The following SEC14L5 variants were observed in gnomAD, a reference collection of about 807,000 sequenced individuals.
SEC14L5 encodes SEC14-like protein 5.
A neutral mutation model predicts 84.6 loss-of-function variants in SEC14L5; 96 were observed. The observed-to-expected ratio is 1.13, with a 90% CI of 0.96 to 1.34. SEC14L5 has a LOEUF of 1.34. Ranked by LOEUF, SEC14L5 falls within the 40% of genes most tolerant of loss-of-function variation. The pLI, the probability that SEC14L5 is intolerant of heterozygous loss-of-function variation, is 0.00. For synonymous variants in SEC14L5, 546 were observed against 383.4 expected, an observed-to-expected ratio of 1.42 and a Z score of -4.95; for missense variants, 1,224 against 942.5, an observed-to-expected ratio of 1.30 and a Z score of -3.91.
intron 15 of SEC14L5, among the ~76,000 whole-genome samples, chr16:5,013,086 C>T (rs1290464254): frequency 6.6e-6 from 1 of 152,108 alleles, no homozygotes; most frequent in South Asian, 2.1e-4. Flanking sequence ...CTCATGAGAA[C>T]TCATTCACTA....
chr16:4,962,469 C>T (rs991954646), intron 2 of SEC14L5, among the ~76,000 whole-genome samples: 3 of 152,112 alleles, frequency 2.0e-5, no homozygotes, highest in African/African-American at 7.2e-5. Context: ...GGGCGGACCA[C>T]CTCAGGTCAG....
intron 2 of SEC14L5, among the ~76,000 whole-genome samples, chr16:4,987,046 C>G (rs1955495491): frequency 6.6e-6 from 1 of 152,170 alleles, no homozygotes; most frequent in South Asian, 2.1e-4. Flanking sequence ...TCTAGAACCT[C>G]TAGCACAAGC....
chr16:4,963,885 C>G (rs889693427), intron 2 of SEC14L5, among the ~76,000 whole-genome samples: 1 of 152,030 alleles, frequency 6.6e-6, no homozygotes, highest in Non-Finnish European at 1.5e-5. Flanking sequence ...TGAGGTCTCA[C>G]TATGTTGCCC....
In SEC14L5 at chr16:5,007,492, A is replaced by C. The variant is rs905450817; in HGVS notation, c.1572+6A>C. The C allele has an allele frequency of 6.2e-7, 1 of 1,612,588 alleles. No individual in the cohort carries two copies. Among genetic ancestry groups the C allele is most frequent in the Non-Finnish European group, 8.5e-7 (1 of 1,179,590 alleles). On this transcript the variant is annotated splice_donor_region_variant and intron_variant, in intron 13 of 15. Transcript: ENST00000251170. ...TCCGCGGAGCCCCCCACGAGGTGCCAGGGCCTGGCCGGGGAGGGCCCGCTG... is the reference window on the plus strand; with the variant it reads ...TCCGCGGAGCCCCCCACGAGGTGCCCGGGCCTGGCCGGGGAGGGCCCGCTG...
At chr16:4,975,707 A>T (rs1045827631) in intron 2 of SEC14L5, among the ~76,000 whole-genome samples, 3 of 152,070 alleles carry the variant, frequency 2.0e-5, no homozygotes, top group Non-Finnish European at 4.4e-5. Context: ...TTTTTTAAAA[A>T]AGAGTTGGAG....
At chr16:5,003,316 C>G (rs544220328) in intron 10 of SEC14L5, 86 bp from the exon 11 acceptor site, 3 of 1,034,598 alleles carry the variant, frequency 2.9e-6, no homozygotes, top group East Asian at 4.8e-5. Flanking sequence ...TCTCTCGGAG[C>G]CTCCCTGTTC....
At chr16:5,001,232 A>G (rs1955673339) in intron 10 of SEC14L5, among the ~76,000 whole-genome samples, 1 of 149,710 alleles carries the variant, frequency 6.7e-6, no homozygotes, top group African/African-American at 2.5e-5. Flanking sequence ...ACTCCACTCA[A>G]CAGTCTCCTT....
chr16:5,012,249 G>T (rs1011264557), intron 15 of SEC14L5, among the ~76,000 whole-genome samples: 1 of 152,178 alleles, frequency 6.6e-6, no homozygotes, highest in Non-Finnish European at 1.5e-5. Context: ...GGCCCAGGGG[G>T]ACACAGAGGA....
chr16:5,015,464 C>G lies in SEC14L5; in HGVS notation c.*494C>G, dbSNP rs1441534627. On this transcript the variant is annotated 3_prime_UTR_variant, in exon 16 of 16. Coordinates refer to ENST00000251170, the MANE Select transcript of SEC14L5 (RefSeq NM_014692.2). Reference sequence around the variant, plus strand: ...GCGATTGCCAGGTCAATTCCTGAACCAATCACAGTTGCCAGGCACACTGGA... The same window carrying G: ...GCGATTGCCAGGTCAATTCCTGAACGAATCACAGTTGCCAGGCACACTGGA... The G allele has an allele frequency of 6.3e-6, 1 of 158,174 alleles. No individual in the cohort carries two copies. The highest frequency in any genetic ancestry group is 6.0e-5 in the Admixed American group (1 of 16,696). The allele number at this position is 158,174 out of a possible 1,614,324, so 9.8% of individuals were successfully genotyped here.
intron 2 of SEC14L5, among the ~76,000 whole-genome samples, chr16:4,984,109 A>G (rs1015294744): frequency 5.3e-4 from 80 of 152,260 alleles, no homozygotes; most frequent in African/African-American, 1.9e-3. Flanking sequence ...GCTTCACCGC[A>G]ATCAGCTTTA....
chr16:5,017,146 A>G lies in SEC14L5; in HGVS notation c.*2176A>G, dbSNP rs1046495892. ...CCAGAGAAGGACACAGAAGCCTTTTACGGAAGGAAGCTGGAACTGCCTGTT... is the reference window on the plus strand; with the variant it reads ...CCAGAGAAGGACACAGAAGCCTTTTGCGGAAGGAAGCTGGAACTGCCTGTT... On this transcript the variant is annotated 3_prime_UTR_variant, in exon 16 of 16. Coordinates refer to ENST00000251170, the MANE Select transcript of SEC14L5 (RefSeq NM_014692.2). 1.0e-4 allele frequency: 14 copies of G among 135,552 alleles called. No individual in the cohort carries two copies. Among genetic ancestry groups the G allele is most frequent in the Non-Finnish European group, 1.7e-4 (11 of 64,136 alleles). 8.4% of individuals were successfully genotyped at this position (135,552 alleles called of 1,614,324 possible).
chr16:4,971,910 C>G (rs562820355), intron 2 of SEC14L5, among the ~76,000 whole-genome samples: 2 of 152,130 alleles, frequency 1.3e-5, no homozygotes, highest in Admixed American at 1.3e-4. Context: ...TAAATGAAAC[C>G]TACATAGAGA....
At chr16:5,012,596 T>A (rs917697589) in intron 15 of SEC14L5, among the ~76,000 whole-genome samples, 5 of 152,190 alleles carry the variant, frequency 3.3e-5, no homozygotes, top group Non-Finnish European at 5.9e-5. Flanking sequence ...TTAGTCCGTT[T>A]CCACACTGTG....
chr16:5,000,569 A>C (rs1955663610), intron 8 of SEC14L5, 86 bp from the exon 9 acceptor site: 19 of 1,002,826 alleles, frequency 1.9e-5, no homozygotes, highest in Non-Finnish European at 2.7e-5. Context: ...GAGGAGGTGA[A>C]GCTCTCACCT....
intron 4 of SEC14L5, among the ~76,000 whole-genome samples, chr16:4,990,079 A>T (rs1955536416): frequency 1.3e-5 from 2 of 151,482 alleles, no homozygotes; most frequent in Admixed American, 1.3e-4. Flanking sequence ...TATTTAAAAA[A>T]TCTATATCTA....
chr16:4,977,661 G>T (rs35585816), intron 2 of SEC14L5, among the ~76,000 whole-genome samples: 19,787 of 151,794 alleles, frequency 0.13, 1,878 homozygotes, highest in East Asian at 0.5. Flanking sequence ...TAGAGCCCAG[G>T]ACCTGTGAAG....
At chr16:4,960,044 CTG>C (rs1361694759) in intron 2 of SEC14L5, among the ~76,000 whole-genome samples, 2 of 152,170 alleles carry the variant, frequency 1.3e-5, no homozygotes, top group Non-Finnish European at 2.9e-5. Context: ...GTGATGTACT[CTG>C]TGTTGTGCAG....
intron 15 of SEC14L5, 24 bp downstream of exon 15, chr16:5,011,297 C>A: frequency 6.2e-7 from 1 of 1,605,538 alleles, no homozygotes; most frequent in Non-Finnish European, 8.5e-7. Context: ...GGAGCGGGGT[C>A]CTGGGCAGGA....
chr16:4,964,775 A>C (rs918644351), intron 2 of SEC14L5, among the ~76,000 whole-genome samples: 1 of 151,226 alleles, frequency 6.6e-6, no homozygotes, highest in African/African-American at 2.4e-5. Context: ...CTGTCACCCA[A>C]GCTGGGGTGC....
Sources: allele counts gnomAD v4.1 joint callset (sites outside exome capture counted in the v4.1 genomes callset), GRCh38; gene constraint gnomAD v4.1.1; transcripts MANE v1.5; gene names NCBI Gene and HGNC (gene_info 2026-07-23, HGNC 2026-07-21).